Variants in LINGO2 observed in about 807,000 individuals in gnomAD.
The protein encoded by LINGO2 is leucine-rich repeat and immunoglobulin-like domain-containing nogo receptor-interacting protein 2.
In LINGO2, 14 loss-of-function variants were observed where a neutral mutation model predicts 30.6. That is an observed-to-expected ratio of 0.46 (90% CI 0.30 to 0.72). The LOEUF (loss-of-function observed/expected upper bound fraction) is 0.72, where lower values mean the gene tolerates loss of function less well. Ranked by LOEUF, LINGO2 falls within the 30% of genes least tolerant of loss-of-function variation. The probability of loss-of-function intolerance (pLI) is 0.07; values close to 1 mark genes in which losing one functional copy is unlikely to be tolerated. For missense variants in LINGO2, 729 were observed against 751.7 expected, an observed-to-expected ratio of 0.97 and a Z score of 0.35; for synonymous variants, 317 against 288.5, an observed-to-expected ratio of 1.10 and a Z score of -1.00.
intron 3 of LINGO2, among the ~76,000 whole-genome samples, chr9:28,314,242 AT>A (rs1214975168): frequency 6.6e-6 from 1 of 152,092 alleles, no homozygotes; most frequent in Non-Finnish European, 1.5e-5. Context: ...CCGAGAATTG[AT>A]TTTTGATCTT....
At chr9:29,128,824 C>A in the LINGO2 span, among the ~76,000 whole-genome samples, 3 of 152,056 alleles carry the variant, frequency 2.0e-5, no homozygotes, top group East Asian at 3.9e-4. Context: ...TTTGCATGTA[C>A]ACTTATTGTT....
intron 4 of LINGO2, among the ~76,000 whole-genome samples, chr9:28,237,682 A>T (rs1821626261): frequency 6.6e-6 from 1 of 152,008 alleles, no homozygotes; most frequent in Non-Finnish European, 1.5e-5. Context: ...GCAAAACCCC[A>T]GCTCTACTAA....
chr9:28,295,630 T>G (rs1017056891), intron 3 of LINGO2, among the ~76,000 whole-genome samples: 1 of 152,168 alleles, frequency 6.6e-6, no homozygotes, highest in African/African-American at 2.4e-5. Flanking sequence ...ATTATTGATA[T>G]TAAAACTCAC....
chr9:29,031,232 C>T, the LINGO2 span, among the ~76,000 whole-genome samples: 1 of 147,704 alleles, frequency 6.8e-6, no homozygotes, highest in Admixed American at 6.9e-5. Flanking sequence ...TTTGTAATAG[C>T]ACATAGTAAC....
chr9:28,946,104 C>T, the LINGO2 span, among the ~76,000 whole-genome samples: 11 of 151,998 alleles, frequency 7.2e-5, no homozygotes, highest in Non-Finnish European at 8.8e-5. Context: ...GTTCTAAGAA[C>T]GAGATGATTT....
At chr9:28,576,405 C>CGT (rs112573225) in intron 1 of LINGO2, among the ~76,000 whole-genome samples, 10,011 of 151,894 alleles carry the variant, frequency 0.066, 440 homozygotes, top group African/African-American at 0.13. Flanking sequence ...CCAAGGATTG[C>CGT]GTGTGTGTGT....
the LINGO2 span, among the ~76,000 whole-genome samples, chr9:28,771,358 A>G: frequency 6.6e-6 from 1 of 151,552 alleles, no homozygotes; most frequent in Admixed American, 6.6e-5. Flanking sequence ...AGAATTTACT[A>G]TTTCAATAAG....
At chr9:28,380,390 G>GT (rs35512653) in intron 2 of LINGO2, among the ~76,000 whole-genome samples, 53,012 of 144,624 alleles carry the variant, frequency 0.37, 9,893 homozygotes, top group Non-Finnish European at 0.41. Flanking sequence ...GACTATAAAG[G>GT]TTTTTTTTTT....
intron 4 of LINGO2, among the ~76,000 whole-genome samples, chr9:28,197,822 A>G (rs920234375): frequency 6.6e-6 from 1 of 151,974 alleles, no homozygotes; most frequent in African/African-American, 2.4e-5. Context: ...AATTATCTTA[A>G]AGAACTCTGA....
At chr9:28,986,142 C>G in the LINGO2 span, among the ~76,000 whole-genome samples, 2 of 151,924 alleles carry the variant, frequency 1.3e-5, no homozygotes, top group Admixed American at 6.6e-5. Flanking sequence ...GTTGTACACA[C>G]CTTTGTTAAA....
rs192865616 is a variant in LINGO2 at position 28,109,017 on chromosome 9, T to A, written c.-86-96612A>T. Among the ~76,000 whole-genome samples the A allele has an allele frequency of 4.9e-4, 74 of 152,286 alleles. No individual in the cohort carries two copies. The East Asian group carries it at 0.012, about 25-fold the overall frequency. On this transcript the variant is annotated intron_variant, in intron 4 of 5. Transcript: ENST00000379992. The stretch of plus-strand genomic sequence containing the variant: ...CTCAAGAAAATACTGGCAAGCCAAA[T>A]CCAGCAGCACATCAAAAAGCTTATC...
chr9:28,054,930 T>G (rs111938450), intron 4 of LINGO2, among the ~76,000 whole-genome samples: 4 of 152,126 alleles, frequency 2.6e-5, no homozygotes, highest in African/African-American at 9.7e-5. Flanking sequence ...TGCCTCATAC[T>G]ACAAAGCTAC....
the LINGO2 span, among the ~76,000 whole-genome samples, chr9:28,936,293 T>G: frequency 6.6e-6 from 1 of 152,130 alleles, no homozygotes; most frequent in Non-Finnish European, 1.5e-5. Context: ...GAAAACTATT[T>G]TGAAAGGGTG....
At chr9:28,463,470 G>A (rs1157027366) in intron 2 of LINGO2, among the ~76,000 whole-genome samples, 1 of 151,936 alleles carries the variant, frequency 6.6e-6, no homozygotes, top group East Asian at 1.9e-4. Context: ...TGGATAGTCT[G>A]GATTATAGGT....
chr9:27,975,945 T>G (rs1820573055), intron 5 of LINGO2, among the ~76,000 whole-genome samples: 1 of 152,120 alleles, frequency 6.6e-6, no homozygotes, highest in Non-Finnish European at 1.5e-5. Flanking sequence ...GGTGATTATA[T>G]GGAAACAAGT....
intron 4 of LINGO2, among the ~76,000 whole-genome samples, chr9:28,109,764 C>T (rs1826715708): frequency 6.6e-6 from 1 of 152,156 alleles, no homozygotes; most frequent in African/African-American, 2.4e-5. Context: ...AATGGAAAAA[C>T]ATTTCATGCT....
chr9:28,282,816 C>T (rs1823375229), intron 4 of LINGO2, among the ~76,000 whole-genome samples: 1 of 152,058 alleles, frequency 6.6e-6, no homozygotes, highest in African/African-American at 2.4e-5. Flanking sequence ...GTAACCAGCT[C>T]TAAAAATTTA....
At chr9:28,953,033 C>A in the LINGO2 span, among the ~76,000 whole-genome samples, 1 of 152,132 alleles carries the variant, frequency 6.6e-6, no homozygotes, top group Non-Finnish European at 1.5e-5. Flanking sequence ...ATAGAAATTA[C>A]ATTCCCAGCA....
intron 1 of LINGO2, among the ~76,000 whole-genome samples, chr9:28,517,558 ACT>A (rs1341550428): frequency 6.6e-6 from 1 of 152,140 alleles, no homozygotes; most frequent in Non-Finnish European, 1.5e-5. Flanking sequence ...TACTGCAAAC[ACT>A]CTTAAAAACT....
Sources: gnomAD v4.1 joint callset for allele counts (sites outside exome capture counted in the v4.1 genomes callset) on GRCh38, gnomAD v4.1.1 for gene constraint, MANE v1.5 for transcripts, NCBI Gene and HGNC (gene_info 2026-07-23, HGNC 2026-07-21) for gene names.